The following CCL26 variants were observed in gnomAD, a reference collection of about 807,000 sequenced individuals.
CCL26 encodes C-C motif chemokine ligand 26.
CCL26 carries 10 observed loss-of-function variants against 10.7 expected under a neutral mutation model. That is an observed-to-expected ratio of 0.93 (90% CI 0.57 to 1.58). The LOEUF (loss-of-function observed/expected upper bound fraction) is 1.58. CCL26 is among the 40% of genes most tolerant of loss of function. CCL26 has a pLI of 0.00. For synonymous variants in CCL26, 43 were observed against 41.4 expected (o/e 1.04, Z -0.15); for missense variants, 116 against 111.0 (o/e 1.05, Z -0.20).
intron 1 of CCL26, among the ~76,000 whole-genome samples, chr7:75,788,029 G>A (rs191408982): frequency 9.9e-5 from 15 of 151,786 alleles, no homozygotes; most frequent in East Asian, 3.9e-4. Context: ...TTCCCATGCC[G>A]CCCCTAATCC....
At chr7:75,770,797 T>G (rs1172585421) in intron 2 of CCL26, among the ~76,000 whole-genome samples, 1 of 151,518 alleles carries the variant, frequency 6.6e-6, no homozygotes, top group African/African-American at 2.4e-5. Context: ...TGCCTCAGCC[T>G]CCGGAGTAAC....
rs782727471 is a variant in CCL26, at chr7:75,771,934, C to T, written c.143G>A (p.Arg48Gln). ...SHKPLPWTWVRSYEFTSNSCS... is the reference protein window; with the variant it reads ...SHKPLPWTWVQSYEFTSNSCS... The stretch of plus-strand genomic sequence containing the variant: ...GCTGTTACTGGTGAATTCATAGCTT[C>T]GCACCCAGGTCCAGGGAAGGGGCTT... The change falls in exon 2 of 3, where the codon CGA becomes CAA. Residue 48 changes from arginine (R) to glutamine (Q), a missense_variant. Arg to Gln is a conservative substitution (Grantham distance 43). Transcript: ENST00000005180. 5.0e-5 allele frequency: 80 copies of T among 1,614,014 alleles called. No homozygotes were observed. Among genetic ancestry groups the T allele is most frequent in the African/African-American group, 1.7e-4 (13 of 75,034 alleles).
intron 1 of CCL26, among the ~76,000 whole-genome samples, chr7:75,787,267 G>C (rs1177052734): frequency 6.6e-6 from 1 of 152,070 alleles, no homozygotes; most frequent in Non-Finnish European, 1.5e-5. Context: ...AGTTTCTCAG[G>C]CTCTTGGTAT....
At chr7:75,784,587 T>A (rs1006831365) in intron 1 of CCL26, among the ~76,000 whole-genome samples, 9 of 152,204 alleles carry the variant, frequency 5.9e-5, no homozygotes, top group Non-Finnish European at 1.3e-4. Context: ...GCCAGGCTTC[T>A]AAACCTCTTA....
intron 2 of CCL26, 92 bp downstream of exon 2, chr7:75,771,797 C>T: frequency 1.3e-6 from 1 of 797,608 alleles, no homozygotes; most frequent in Non-Finnish European, 2.2e-6. Flanking sequence ...TTTCCAGGTT[C>T]CCATCCCAAG....
chr7:75,775,994 C>G (rs994390973), upstream of CCL26, among the ~76,000 whole-genome samples: 1 of 151,038 alleles, frequency 6.6e-6, no homozygotes, highest in Admixed American at 6.6e-5. Flanking sequence ...GATTTAGAGC[C>G]CACTGTAATC....
chr7:75,787,922 C>T (rs1803238319), intron 1 of CCL26, among the ~76,000 whole-genome samples: 1 of 152,070 alleles, frequency 6.6e-6, no homozygotes, highest in South Asian at 2.1e-4. Context: ...CGGGCCTTCA[C>T]CAATCGTTTT....
Position 75,784,769 on chromosome 7 carries a change from C to T in CCL26, c.-79+4948G>A, listed in dbSNP as rs1188612874. Among the ~76,000 whole-genome samples, 4 of 152,032 alleles carry T rather than the reference C, an allele frequency of 2.6e-5. No individual in the cohort carries two copies. The East Asian group carries it at 7.7e-4, about 29-fold the overall frequency. On this transcript the variant is annotated intron_variant, in intron 1 of 3. Transcript: ENST00000394905. ...CTCATTGCCACCTTTTCCCCCAGTT[C>T]AAAGCCTCCTTCACATCCTCCCCTT...
chr7:75,784,670 C>T (rs1246565070), intron 1 of CCL26, among the ~76,000 whole-genome samples: 2 of 152,140 alleles, frequency 1.3e-5, no homozygotes, highest in African/African-American at 2.4e-5. Flanking sequence ...CCCACCTGCC[C>T]AGCTCCCTTA....
intron 1 of CCL26, among the ~76,000 whole-genome samples, chr7:75,780,136 T>C (rs1191353477): frequency 3.1e-5 from 4 of 128,686 alleles, no homozygotes; most frequent in Middle Eastern, 5.9e-3. Context: ...ACCTCCTACC[T>C]TTTCTCCACT....
intron 1 of CCL26, among the ~76,000 whole-genome samples, chr7:75,788,737 A>T (rs2115702087): frequency 6.6e-6 from 1 of 151,342 alleles, no homozygotes; most frequent in African/African-American, 2.4e-5. Context: ...AAAAAAAAAA[A>T]GAAGAAAAAA....
chr7:75,779,537 CT>C (rs2115669271), intron 1 of CCL26, among the ~76,000 whole-genome samples: 1 of 152,304 alleles, frequency 6.6e-6, no homozygotes, highest in East Asian at 1.9e-4. Flanking sequence ...TGGCACCACC[CT>C]TCAATCTCTC....
Position 75,772,000 on chromosome 7 carries a change from C to T in CCL26, c.77G>A (p.Gly26Glu). 2 of 1,612,986 alleles carry T rather than the reference C, an allele frequency of 1.2e-6. No individual in the cohort carries two copies. The highest frequency in any genetic ancestry group is 1.3e-5 in the African/African-American group (1 of 75,032). ...LSLHLGTATR[G>E]SDISKTCCFQ... ...GCAGCAGGTCTTGGATATGTCACTC[C>T]CACCTAAAAATCAGGGAGAGGAAGG... is the stretch of plus-strand genomic sequence containing the variant. Residue 26 changes from glycine (G) to glutamate (E), a missense_variant, in exon 2 of 3, where the codon GGG (glycine) becomes GAG (glutamate). By Grantham distance (98) the Gly-to-Glu change is moderately conservative. Coordinates refer to ENST00000005180, the MANE Select transcript of CCL26 (RefSeq NM_001371938.1).
At chr7:75,790,218 T>TCTTTCTTTCTCCCTTC (rs1554530641), upstream of CCL26, among the ~76,000 whole-genome samples, 1 of 66,802 alleles carries the variant, frequency 1.5e-5, no homozygotes, top group East Asian at 4.4e-4. Flanking sequence ...TTTCTTTCTT[T>TCTTTCTTTCTCCCTTC]CTTCCTTCCT....
At chr7:75,778,901 T>C (rs1331114616) in intron 1 of CCL26, among the ~76,000 whole-genome samples, 1 of 151,856 alleles carries the variant, frequency 6.6e-6, no homozygotes, top group African/African-American at 2.4e-5. Flanking sequence ...ACCAACATGG[T>C]GAAACCCCAT....
At chr7:75,784,190 G>A (rs1326842831) in intron 1 of CCL26, among the ~76,000 whole-genome samples, 1 of 152,134 alleles carries the variant, frequency 6.6e-6, no homozygotes, top group African/African-American at 2.4e-5. Context: ...CCTCCCCCAG[G>A]AGCTTGCTAT....
At chr7:75,776,958 C>A (rs1040018571), upstream of CCL26, among the ~76,000 whole-genome samples, 1 of 151,952 alleles carries the variant, frequency 6.6e-6, no homozygotes, top group South Asian at 2.1e-4. Context: ...TGGCCAGGCG[C>A]GGTGGCTCAC....
intron 1 of CCL26, among the ~76,000 whole-genome samples, chr7:75,779,295 C>T (rs554657339): frequency 2.0e-5 from 3 of 152,252 alleles, no homozygotes; most frequent in East Asian, 1.9e-4. Context: ...TCGCTTCACA[C>T]GGACGCGAGT....
In CCL26 at chr7:75,772,105, T is replaced by A. The variant is rs781861553; in HGVS notation, c.72A>T (p.Thr24=). The stretch of plus-strand genomic sequence containing the variant: ...GAGGGGAATGGGCCAGCTACGTACG[T>A]GTGGCAGTTCCAAGGTGGAGACTCA... ...SLLSLHLGTA[T]RGSDISKTCC... Residue 24 remains threonine (T), a splice_region_variant and synonymous_variant, in exon 1 of 3, where the codon ACA becomes ACT. Coordinates refer to ENST00000005180, the MANE Select transcript of CCL26 (RefSeq NM_001371938.1). The A allele has an allele frequency of 4.4e-6, 7 of 1,582,442 alleles. No homozygotes were observed. In the South Asian group the frequency reaches 8.0e-5, roughly 18 times the overall value.
Sources: gnomAD v4.1 joint callset for allele counts (sites outside exome capture counted in the v4.1 genomes callset) on GRCh38, gnomAD v4.1.1 for gene constraint, MANE v1.5 for transcripts, NCBI Gene and HGNC (gene_info 2026-07-23, HGNC 2026-07-21) for gene names.